Variants in PACSIN2 observed in about 807,000 individuals in gnomAD.
PACSIN2 encodes protein kinase C and casein kinase substrate in neurons 2.
Under a neutral mutation model 63.8 loss-of-function variants are expected in PACSIN2, and 25 were observed. That is an observed-to-expected ratio of 0.39 (90% confidence interval 0.29 to 0.55). The LOEUF (loss-of-function observed/expected upper bound fraction) is 0.55. Ranked by LOEUF, PACSIN2 falls within the 20% of genes least tolerant of loss-of-function variation. PACSIN2 has a pLI of 0.62. For synonymous variants in PACSIN2, 255 were observed against 256.2 expected, an observed-to-expected ratio of 1.00 and a Z score of 0.05; for missense variants, 518 against 646.9, an observed-to-expected ratio of 0.80 and a Z score of 2.16.
chr22:42,970,407 G>A (rs1228720438), intron 1 of PACSIN2, among the ~76,000 whole-genome samples: 1 of 152,182 alleles, frequency 6.6e-6, no homozygotes, highest in East Asian at 1.9e-4. Flanking sequence ...GGGAAAACTG[G>A]TGAAATCCAA....
intron 1 of PACSIN2, among the ~76,000 whole-genome samples, chr22:42,958,109 C>A (rs1227441866): frequency 6.6e-6 from 1 of 151,842 alleles, no homozygotes; most frequent in Non-Finnish European, 1.5e-5. Flanking sequence ...AAAAAACACT[C>A]TTAGCTAAGT....
At chr22:42,932,192 T>C (rs1383697584) in intron 1 of PACSIN2, among the ~76,000 whole-genome samples, 4 of 152,208 alleles carry the variant, frequency 2.6e-5, no homozygotes, top group Non-Finnish European at 5.9e-5. Flanking sequence ...TTCTTCAACA[T>C]AATAAGCTCA....
At chr22:42,891,309 T>G in intron 3 of PACSIN2, 127 bp from the exon 4 acceptor site, 1 of 630,526 alleles carries the variant, frequency 1.6e-6, no homozygotes, top group Non-Finnish European at 2.8e-6. Flanking sequence ...TTTCAGATAT[T>G]TTTCTCTCAG....
intron 1 of PACSIN2, among the ~76,000 whole-genome samples, chr22:42,921,292 G>T (rs999696256): frequency 2.6e-5 from 4 of 151,708 alleles, no homozygotes; most frequent in African/African-American, 9.7e-5. Flanking sequence ...CCAGGAGGTG[G>T]AGGCTGCAGT....
chr22:43,010,398 A>ATTTTTTTTT (rs1555950816), intron 1 of PACSIN2, among the ~76,000 whole-genome samples: 2 of 126,396 alleles, frequency 1.6e-5, no homozygotes, highest in African/African-American at 5.7e-5. Context: ...ATATATATAT[A>ATTTTTTTTT]TTTTTTTTTA....
intron 3 of PACSIN2, 27 bp from the exon 4 acceptor site, chr22:42,891,209 C>A: frequency 6.5e-7 from 1 of 1,530,728 alleles, no homozygotes; most frequent in South Asian, 1.1e-5. Context: ...AGCTGCGGGT[C>A]ACTCAGCGCC....
chr22:42,871,146 G>C lies in PACSIN2; in HGVS notation c.*211C>G, dbSNP rs369846921. 1.7e-6 allele frequency: 1 copy of C among 587,430 alleles called. No homozygotes were observed. Among genetic ancestry groups the C allele is most frequent in the South Asian group, 2.0e-5 (1 of 50,368 alleles). The allele number at this position is 587,430 out of a possible 1,614,324, so 36.4% of individuals were successfully genotyped here. On this transcript the variant is annotated 3_prime_UTR_variant, in exon 11 of 11. Coordinates refer to ENST00000263246, the MANE Select transcript of PACSIN2 (RefSeq NM_001184970.3). The surrounding 1 kb of genome is among the most constrained non-coding windows in gnomAD (Gnocchi z 5.4). ...GAGGGGCGGCTATTTCTGTTGTTCT[G>C]CGTCTTCCTGCGCTCAGATCCCTCC... is the stretch of plus-strand genomic sequence containing the variant.
chr22:42,998,859 A>AGAGAGGAAGTC (rs547297062), intron 1 of PACSIN2, among the ~76,000 whole-genome samples: 92 of 152,272 alleles, frequency 6.0e-4, no homozygotes, highest in Non-Finnish European at 1.0e-3. Flanking sequence ...AGAGGAGAGA[A>AGAGAGGAAGTC]GAGAGGAAGT....
rs999707979 is a variant in PACSIN2, at chr22:42,953,277, A to G, written c.-77-41120T>C. Among the ~76,000 whole-genome samples, 3 of 152,162 alleles carry G rather than the reference A, an allele frequency of 2.0e-5. No individual in the cohort carries two copies. In the East Asian group the frequency reaches 5.8e-4, roughly 29 times the overall value. On this transcript the variant is annotated intron_variant, in intron 1 of 10. Transcript: ENST00000263246. ...TAACCACTAAAGGAGCAGGCTGAGA[A>G]TTTAATTTCTAAACTAAGAGTGAAA...
chr22:42,939,840 T>G lies in PACSIN2; in HGVS notation c.-77-27683A>C, dbSNP rs1280593375. On this transcript the variant is annotated intron_variant, in intron 1 of 10. Coordinates refer to ENST00000263246, the MANE Select transcript of PACSIN2 (RefSeq NM_001184970.3). ...TCACTGCATCCTCTAGTCATTTGCT[T>G]CTTCGCTAATTAACACATCTTGAGC... is the stretch of plus-strand genomic sequence containing the variant. Among the ~76,000 whole-genome samples the G allele has an allele frequency of 2.0e-5, 3 of 152,194 alleles. 1 individual carries two copies. The South Asian group carries it at 6.2e-4, about 31-fold the overall frequency.
At chr22:42,906,748 A>T (rs1182602911) in intron 2 of PACSIN2, among the ~76,000 whole-genome samples, 2 of 152,246 alleles carry the variant, frequency 1.3e-5, no homozygotes, top group African/African-American at 2.4e-5. Flanking sequence ...AAATACCATC[A>T]GAAACACAAC....
intron 1 of PACSIN2, among the ~76,000 whole-genome samples, chr22:42,941,546 C>T (rs886565204): frequency 6.6e-6 from 1 of 152,196 alleles, no homozygotes; most frequent in Admixed American, 6.5e-5. Flanking sequence ...TTCCCATATC[C>T]TCACCAACAC....
intron 1 of PACSIN2, among the ~76,000 whole-genome samples, chr22:42,926,450 G>C (rs1932541046): frequency 6.6e-6 from 1 of 152,110 alleles, no homozygotes; most frequent in African/African-American, 2.4e-5. Context: ...AAAACCAGAG[G>C]ATTTCAAACC....
intron 1 of PACSIN2, among the ~76,000 whole-genome samples, chr22:42,965,577 G>C (rs1408978672): frequency 1.3e-5 from 2 of 152,190 alleles, no homozygotes; most frequent in African/African-American, 2.4e-5. Flanking sequence ...ACCACAAAGT[G>C]CCTCAGATTC....
chr22:42,966,342 C>T (rs56040293), intron 1 of PACSIN2, among the ~76,000 whole-genome samples: 2,042 of 150,032 alleles, frequency 0.014, 49 homozygotes, highest in African/African-American at 0.048. Context: ...TCCGGCCTGG[C>T]GACAGAGTGA....
At chr22:42,872,682 G>T (rs913973990) in intron 10 of PACSIN2, among the ~76,000 whole-genome samples, 2 of 152,056 alleles carry the variant, frequency 1.3e-5, no homozygotes, top group Non-Finnish European at 2.9e-5. Flanking sequence ...CCACTCCCTG[G>T]GCCTGTGGCC....
chr22:43,010,634 C>T (rs1327178530), intron 1 of PACSIN2, among the ~76,000 whole-genome samples: 3 of 151,966 alleles, frequency 2.0e-5, no homozygotes, highest in African/African-American at 4.8e-5. Flanking sequence ...GGCATGAACT[C>T]GGGAGGCGCA....
At chr22:42,923,572 C>CG (rs1371789507) in intron 1 of PACSIN2, among the ~76,000 whole-genome samples, 1 of 152,118 alleles carries the variant, frequency 6.6e-6, no homozygotes, top group African/African-American at 2.4e-5. Flanking sequence ...GGACTACAGG[C>CG]GCCCGCCACC....
At chr22:42,969,764 A>C (rs1249434641) in intron 1 of PACSIN2, among the ~76,000 whole-genome samples, 1 of 151,930 alleles carries the variant, frequency 6.6e-6, no homozygotes, top group Admixed American at 6.6e-5. Flanking sequence ...CATGGAAAGA[A>C]CCCATCTCTA....
Sources: gnomAD v4.1 joint callset for allele counts (sites outside exome capture counted in the v4.1 genomes callset) on GRCh38, gnomAD v4.1.1 for gene constraint, Gnocchi (gnomAD v3.1) non-coding constraint, MANE v1.5 for transcripts, NCBI Gene and HGNC (gene_info 2026-07-23, HGNC 2026-07-21) for gene names.